Variants in ZC3H8 observed in about 807,000 individuals in gnomAD.
The protein encoded by ZC3H8 is zinc finger CCCH-type containing 8.
ZC3H8 carries 27 observed loss-of-function variants against 42.5 expected under a neutral mutation model. The ratio of observed to expected loss-of-function variants is 0.64; its 90% CI spans 0.47 to 0.88. The LOEUF (loss-of-function observed/expected upper bound fraction) is 0.88. ZC3H8 is among the 40% of genes least tolerant of loss of function. The pLI is 0.00. For synonymous variants in ZC3H8, 101 were observed against 110.1 expected, an observed-to-expected ratio of 0.92 and a Z score of 0.52; for missense variants, 277 against 336.1, an observed-to-expected ratio of 0.82 and a Z score of 1.37.
intron 4 of ZC3H8, 29 bp from the exon 5 acceptor site, chr2:112,234,265 T>C (rs1558925700): frequency 6.9e-7 from 1 of 1,449,454 alleles, no homozygotes; most frequent in South Asian, 1.3e-5. Flanking sequence ...AAAAACTAAA[T>C]GTAAGAAACA....
chr2:112,245,275 G>A (rs1044383087), intron 2 of ZC3H8, among the ~76,000 whole-genome samples: 4 of 152,252 alleles, frequency 2.6e-5, no homozygotes, highest in African/African-American at 9.6e-5. Flanking sequence ...GTGGAAAAAG[G>A]TGAGGAAGCT....
At chr2:112,254,202 G>A (rs1686048406) in intron 1 of ZC3H8, 2 of 962,704 alleles carry the variant, frequency 2.1e-6, no homozygotes, top group African/African-American at 1.8e-5. Context: ...TATCTCAGTT[G>A]AGGGAAATAA....
intron 1 of ZC3H8, among the ~76,000 whole-genome samples, chr2:112,252,161 A>T (rs1365159995): frequency 6.6e-6 from 1 of 152,198 alleles, no homozygotes; most frequent in African/African-American, 2.4e-5. Flanking sequence ...TCTTAAATCC[A>T]AACAGAGCTA....
At chr2:112,217,587 G>A (rs1684381374) in intron 8 of ZC3H8, among the ~76,000 whole-genome samples, 1 of 152,072 alleles carries the variant, frequency 6.6e-6, no homozygotes, top group East Asian at 1.9e-4. Flanking sequence ...ACTAATCTAT[G>A]CAGATCTTCC....
chr2:112,231,534 AG>A (rs887644255), intron 7 of ZC3H8, among the ~76,000 whole-genome samples: 1 of 152,194 alleles, frequency 6.6e-6, no homozygotes, highest in African/African-American at 2.4e-5. Context: ...TTATAACAGG[AG>A]TACTATTTTT....
At chr2:112,250,968 A>T (rs1685925463) in intron 1 of ZC3H8, among the ~76,000 whole-genome samples, 1 of 152,240 alleles carries the variant, frequency 6.6e-6, no homozygotes, top group Admixed American at 6.5e-5. Flanking sequence ...CAATTACTTG[A>T]GGCTATTCCA....
At position 112,214,594 on chromosome 2, in the gene ZC3H8, G is replaced by C. The variant is rs1288855233; in HGVS notation, c.*1890C>G. ...AGCCCGGCTTGGTATGGCTACAATGGCTAGGTGATAGAGTACTTTGGACGA... is the reference window on the plus strand; with the variant it reads ...AGCCCGGCTTGGTATGGCTACAATGCCTAGGTGATAGAGTACTTTGGACGA... On this transcript the variant is annotated 3_prime_UTR_variant, in exon 9 of 9. Transcript: ENST00000409573. The C allele has an allele frequency of 1.3e-5, 2 of 152,202 alleles. No homozygotes were observed. Among genetic ancestry groups the C allele is most frequent in the East Asian group, 3.8e-4 (2 of 5,198 alleles). 9.4% of individuals were successfully genotyped at this position (152,202 alleles called of 1,614,324 possible).
chr2:112,234,044 G>A, intron 5 of ZC3H8, 76 bp downstream of exon 5: 2 of 828,748 alleles, frequency 2.4e-6, no homozygotes, highest in Non-Finnish European at 3.6e-6. Flanking sequence ...AAAACCTAAA[G>A]GTATGAATTA....
At position 112,233,387 on chromosome 2, in the gene ZC3H8, G is replaced by T; in HGVS notation, c.622-16C>A. ...ACTGGTCTCCCTAGGCCAAAAGAAG[G>T]AGCAAGGAAAAGCCATTATTTCTCA... On this transcript the variant is annotated splice_polypyrimidine_tract_variant and intron_variant, in intron 5 of 8. Coordinates refer to ENST00000409573, the MANE Select transcript of ZC3H8 (RefSeq NM_032494.3). The T allele has an allele frequency of 2.0e-6, 3 of 1,505,944 alleles. No homozygotes were observed. The highest frequency in any genetic ancestry group is 2.5e-5 in the South Asian group (2 of 81,344). 93.3% of individuals were successfully genotyped at this position (1,505,944 alleles called of 1,614,324 possible).
At chr2:112,254,534 G>T (rs1407969730) in intron 1 of ZC3H8, among the ~76,000 whole-genome samples, 4 of 152,252 alleles carry the variant, frequency 2.6e-5, no homozygotes, top group Non-Finnish European at 4.4e-5. Context: ...GGAGTTTACG[G>T]TCTCGTGGAA....
intron 8 of ZC3H8, among the ~76,000 whole-genome samples, chr2:112,227,201 A>G (rs1479940012): frequency 6.6e-6 from 1 of 152,260 alleles, no homozygotes; most frequent in Non-Finnish European, 1.5e-5. Flanking sequence ...AATCAGGCAC[A>G]AAAGAAATAA....
At chr2:112,219,285 C>T (rs759143461) in intron 8 of ZC3H8, among the ~76,000 whole-genome samples, 13 of 152,212 alleles carry the variant, frequency 8.5e-5, no homozygotes, top group East Asian at 7.7e-4. Context: ...TAAACCCTCA[C>T]GTCTATGGTA....
intron 5 of ZC3H8, among the ~76,000 whole-genome samples, chr2:112,233,658 G>C (rs539426122): frequency 6.6e-6 from 1 of 152,230 alleles, no homozygotes; most frequent in East Asian, 1.9e-4. Context: ...ATGAGGTCAG[G>C]AGATCGAGAC....
chr2:112,233,990 C>G, intron 5 of ZC3H8, 130 bp downstream of exon 5: 1 of 578,024 alleles, frequency 1.7e-6, no homozygotes, highest in Non-Finnish European at 2.8e-6. Context: ...GAATACTTCA[C>G]TAAAATTTTC....
At chr2:112,220,927 C>T (rs912086704) in intron 8 of ZC3H8, among the ~76,000 whole-genome samples, 1 of 152,170 alleles carries the variant, frequency 6.6e-6, no homozygotes, top group Non-Finnish European at 1.5e-5. Flanking sequence ...GATGACTATC[C>T]GTCATGAGGA....
chr2:112,233,384 A>G lies in ZC3H8; in HGVS notation c.622-13T>C, dbSNP rs548005710. On this transcript the variant is annotated splice_polypyrimidine_tract_variant and intron_variant, in intron 5 of 8. Coordinates refer to ENST00000409573, the MANE Select transcript of ZC3H8 (RefSeq NM_032494.3). Reference sequence around the variant, plus strand: ...TACACTGGTCTCCCTAGGCCAAAAGAAGGAGCAAGGAAAAGCCATTATTTC... The same window carrying G: ...TACACTGGTCTCCCTAGGCCAAAAGGAGGAGCAAGGAAAAGCCATTATTTC... The G allele has an allele frequency of 1.3e-6, 2 of 1,507,024 alleles. No homozygotes were observed. Among genetic ancestry groups the G allele is most frequent in the African/African-American group, 1.4e-5 (1 of 72,114 alleles). The allele number at this position is 1,507,024 out of a possible 1,614,324, so 93.4% of individuals were successfully genotyped here.
At chr2:112,231,143 TAAAC>T (rs1331421191) in intron 7 of ZC3H8, among the ~76,000 whole-genome samples, 193 bp from the exon 8 acceptor site, 1 of 152,116 alleles carries the variant, frequency 6.6e-6, no homozygotes, top group African/African-American at 2.4e-5. Context: ...TTCACACAAA[TAAAC>T]AACTAAATAT....
In ZC3H8 at chr2:112,232,095, A is replaced by G. The variant is rs1685118898; in HGVS notation, c.734-148T>C. ...GAGGCGGAGGTGGGCAGATCACTTG[A>G]GGCCAGGAGTTCAAGACCAACCTAG... On this transcript the variant is annotated intron_variant, in intron 6 of 8. Transcript: ENST00000409573. The G allele has an allele frequency of 1.2e-5, 5 of 420,780 alleles. No individual in the cohort carries two copies. The South Asian group carries it at 3.1e-4, about 26-fold the overall frequency. The allele number at this position is 420,780 out of a possible 1,614,324, so 26.1% of individuals were successfully genotyped here. A position where few individuals can be genotyped will look rare whatever the true frequency, so the allele number is the denominator to read the frequency against.
chr2:112,235,383 G>A (rs1380702222), intron 4 of ZC3H8, among the ~76,000 whole-genome samples: 2 of 152,182 alleles, frequency 1.3e-5, no homozygotes, highest in Non-Finnish European at 2.9e-5. Flanking sequence ...AATCATTTGA[G>A]CCATGTAAAT....
Sources: allele counts gnomAD v4.1 joint callset (sites outside exome capture counted in the v4.1 genomes callset), GRCh38; gene constraint gnomAD v4.1.1; transcripts MANE v1.5; gene names NCBI Gene and HGNC (gene_info 2026-07-23, HGNC 2026-07-21).